Variants in AHRR observed in about 807,000 individuals in gnomAD.
The protein encoded by AHRR is ahR repressor.
In AHRR, 28 loss-of-function variants were observed where a neutral mutation model predicts 44.0. The observed-to-expected ratio is 0.64, with a 90% CI of 0.47 to 0.87. The LOEUF is 0.87. Among genes scored for constraint, AHRR ranks in the 40% least tolerant of loss-of-function variants. AHRR has a pLI of 0.00. For synonymous variants in AHRR, 434 were observed against 407.0 expected (o/e 1.07, Z -0.80); for missense variants, 990 against 953.9 (o/e 1.04, Z -0.50).
chr5:348,606 G>C (rs1742757109), intron 2 of AHRR, among the ~76,000 whole-genome samples: 1 of 152,120 alleles, frequency 6.6e-6, no homozygotes, highest in Admixed American at 6.5e-5. Flanking sequence ...TGTGCAAATG[G>C]AATCACACAG....
intron 7 of AHRR, chr5:427,499 C>T (rs1290775037): frequency 6.6e-6 from 7 of 1,058,266 alleles, no homozygotes; most frequent in East Asian, 4.8e-5. Flanking sequence ...CAGTTCGTGC[C>T]ACCTGCGCAT....
Position 370,173 on chromosome 5 carries a change from CCG to C in AHRR, c.245-6436_245-6435del, listed in dbSNP as rs1743523087. On this transcript the variant is annotated intron_variant, in intron 3 of 10. Coordinates refer to ENST00000684583, the MANE Select transcript of AHRR (RefSeq NM_001377236.1). This position sits in a 1 kb window ranked among gnomAD's most constrained non-coding sequence, Gnocchi z 4.5. ...TCCTCCCGGGCCCTCGCTGGAAGCC[CCG>C]TCCTCCCGGGCCCTCGCTGGTGCCC... 1.2e-5 allele frequency among the ~76,000 whole-genome samples: 1 copy of C among 83,130 alleles called. No homozygotes were observed. The highest frequency in any genetic ancestry group is 2.8e-5 in the Non-Finnish European group (1 of 36,282). The allele number at this position is 83,130 out of a possible 152,430, so 54.5% of individuals were successfully genotyped here.
At chr5:432,437 C>T in intron 8 of AHRR, 26 bp from the exon 9 acceptor site, 1 of 1,610,738 alleles carries the variant, frequency 6.2e-7, no homozygotes, top group South Asian at 1.1e-5. Context: ...CGTCACATGT[C>T]ACATGTTCAT....
Position 377,695 on chromosome 5 carries a change from G to T in AHRR, c.351+979G>T, listed in dbSNP as rs1437530881. Among the ~76,000 whole-genome samples, 4 of 152,204 alleles carry T rather than the reference G, an allele frequency of 2.6e-5. No individual in the cohort carries two copies. In the South Asian group the frequency reaches 8.3e-4, roughly 31 times the overall value. On this transcript the variant is annotated intron_variant, in intron 4 of 10. Transcript: ENST00000684583. The stretch of plus-strand genomic sequence containing the variant: ...CAGGTCAGTTCACAACCCCCAGCTC[G>T]CTCTACTCTGTCCCCGCTAGTGAAT...
At chr5:429,815 C>T (rs796156757) in intron 8 of AHRR, among the ~76,000 whole-genome samples, 21 of 152,372 alleles carry the variant, frequency 1.4e-4, no homozygotes, top group African/African-American at 4.1e-4. Flanking sequence ...AAACCCCACA[C>T]GGAAAACATT....
At chr5:354,242 T>C (rs7730310) in intron 3 of AHRR, among the ~76,000 whole-genome samples, 77,855 of 152,178 alleles carry the variant, frequency 0.51, 20,210 homozygotes, top group Non-Finnish European at 0.54. Flanking sequence ...GGGCTGGGGC[T>C]GTTCCTCCCC....
intron 1 of AHRR, 71 bp from the exon 2 acceptor site, chr5:343,821 GC>G: frequency 6.7e-7 from 1 of 1,497,372 alleles, no homozygotes; most frequent in Non-Finnish European, 9.0e-7. Context: ...GCGCTGAGGG[GC>G]CCGGGGCATC....
In AHRR at chr5:377,481, C is replaced by T. The variant is rs1465541410; in HGVS notation, c.351+765C>T. Reference sequence around the variant, plus strand: ...ATTTCCTGGGTAACAGGGTGGGCTCCAGCCGGAACTCAGGACCCCTGGGTG... The same window carrying T: ...ATTTCCTGGGTAACAGGGTGGGCTCTAGCCGGAACTCAGGACCCCTGGGTG... On this transcript the variant is annotated intron_variant, in intron 4 of 10. Coordinates refer to ENST00000684583, the MANE Select transcript of AHRR (RefSeq NM_001377236.1). Among the ~76,000 whole-genome samples the T allele has an allele frequency of 3.3e-5, 5 of 152,146 alleles. No individual in the cohort carries two copies. In the East Asian group the frequency reaches 9.6e-4, roughly 29 times the overall value.
In AHRR at chr5:398,658, G is replaced by A. The variant is rs543419832; in HGVS notation, c.352-14686G>A. On this transcript the variant is annotated intron_variant, in intron 4 of 10. Transcript: ENST00000684583. ...TGTGCCAAACCGGGTTTCAGGCGCCGTGCGTGCCCCACCCCCCTTGGCTGT... is the reference window on the plus strand; with the variant it reads ...TGTGCCAAACCGGGTTTCAGGCGCCATGCGTGCCCCACCCCCCTTGGCTGT... 3.3e-4 allele frequency among the ~76,000 whole-genome samples: 51 copies of A among 152,314 alleles called. 1 individual carries two copies. The highest frequency in any genetic ancestry group is 1.9e-3 in the East Asian group (10 of 5,176).
intron 3 of AHRR, among the ~76,000 whole-genome samples, chr5:354,576 A>T (rs1353070272): frequency 6.6e-6 from 1 of 152,164 alleles, no homozygotes; most frequent in Non-Finnish European, 1.5e-5. Flanking sequence ...GGGAGCTGGG[A>T]TCGCTCCAGA....
At chr5:372,276 G>A (rs1743605113) in intron 3 of AHRR, among the ~76,000 whole-genome samples, 1 of 151,904 alleles carries the variant, frequency 6.6e-6, no homozygotes, top group African/African-American at 2.4e-5. Context: ...GTGGAGCTGT[G>A]GGCTGGGGCC....
At position 434,292 on chromosome 5, in the gene AHRR, C is replaced by A; in HGVS notation, c.1552C>A (p.Pro518Thr). The A allele has an allele frequency of 6.2e-7, 1 of 1,608,262 alleles. No individual in the cohort carries two copies. Among genetic ancestry groups the A allele is most frequent in the Non-Finnish European group, 8.5e-7 (1 of 1,177,080 alleles). ...CATGAAGCTGCAAGGTGTACCGATG[C>A]CTCCGGGGGACCTGTGTGGTCCGAC... Reference protein sequence around the residue: ...EDMKLQGVPMPPGDLCGPTLL... With the variant: ...EDMKLQGVPMTPGDLCGPTLL... Residue 518 changes from proline to threonine, a missense_variant, in exon 11 of 11, where the codon CCT becomes ACT. By Grantham distance (38) the Pro-to-Thr change is conservative. Coordinates refer to ENST00000684583, the MANE Select transcript of AHRR (RefSeq NM_001377236.1).
At position 371,164 on chromosome 5, in the gene AHRR, C is replaced by T. The variant is rs542111069; in HGVS notation, c.245-5446C>T. 3.3e-5 allele frequency among the ~76,000 whole-genome samples: 5 copies of T among 152,294 alleles called. No individual in the cohort carries two copies. In the South Asian group the frequency reaches 8.3e-4, roughly 25 times the overall value. ...ATGAGTCAGGAAAAAGGGGTGACTCCTCCTGTCTAGTTCTCTCCAGCCCCC... is the reference window on the plus strand; with the variant it reads ...ATGAGTCAGGAAAAAGGGGTGACTCTTCCTGTCTAGTTCTCTCCAGCCCCC... On this transcript the variant is annotated intron_variant, in intron 3 of 10. Transcript: ENST00000684583.
At chr5:364,749 A>G (rs947982701) in intron 3 of AHRR, among the ~76,000 whole-genome samples, 5 of 152,036 alleles carry the variant, frequency 3.3e-5, no homozygotes, top group African/African-American at 1.2e-4. Flanking sequence ...CTGTTTACAG[A>G]AAACACATCT....
chr5:340,690 T>A lies in AHRR; in HGVS notation c.-10-3203T>A, dbSNP rs10866551. Among the ~76,000 whole-genome samples the A allele has an allele frequency of 7.2e-3, 112 of 15,536 alleles. 1 individual carries two copies. Among genetic ancestry groups the A allele is most frequent in the South Asian group, 0.012 (4 of 338 alleles). The allele number at this position is 15,536 out of a possible 152,430, so 10.2% of individuals were successfully genotyped here. A position where few individuals can be genotyped will look rare whatever the true frequency, so the allele number is the denominator to read the frequency against. ...TATATATATATATATATATATATATTTTTTTTTTTTTTTTTTTTTTTTTGA... is the reference window on the plus strand; with the variant it reads ...TATATATATATATATATATATATATATTTTTTTTTTTTTTTTTTTTTTTGA... On this transcript the variant is annotated intron_variant, in intron 1 of 10. Transcript: ENST00000684583.
intron 1 of AHRR, among the ~76,000 whole-genome samples, chr5:341,235 G>A (rs886530704): frequency 2.6e-5 from 4 of 151,824 alleles, no homozygotes; most frequent in Non-Finnish European, 4.4e-5. Flanking sequence ...GGCTGGTCTC[G>A]AACTCCTAAC....
At chr5:391,406 A>G (rs867232950) in intron 4 of AHRR, among the ~76,000 whole-genome samples, 11 of 96,056 alleles carry the variant, frequency 1.1e-4, no homozygotes, top group Non-Finnish European at 1.4e-4. Context: ...AGGGCGAGGC[A>G]GGGCCAGAGC....
intron 7 of AHRR, 192 bp from the exon 8 acceptor site, chr5:427,615 A>T (rs1163401693): frequency 2.5e-6 from 4 of 1,612,418 alleles, no homozygotes; most frequent in South Asian, 1.1e-5. Flanking sequence ...GGATGATTCA[A>T]GCACATCGAA....
chr5:390,173 G>A (rs530642597), intron 4 of AHRR, among the ~76,000 whole-genome samples: 48 of 152,264 alleles, frequency 3.2e-4, no homozygotes, highest in African/African-American at 1.1e-3. Flanking sequence ...TAACTTAATC[G>A]TACATTTAAA....
Sources: allele counts gnomAD v4.1 joint callset (sites outside exome capture counted in the v4.1 genomes callset), GRCh38; gene constraint gnomAD v4.1.1; non-coding constraint Gnocchi (gnomAD v3.1); transcripts MANE v1.5; gene names NCBI Gene and HGNC (gene_info 2026-07-23, HGNC 2026-07-21).